The following SNX25 variants were observed in gnomAD, a reference collection of about 807,000 sequenced individuals.
The protein encoded by SNX25 is sorting nexin 25, also known as sorting nexin-25.
In SNX25, 62 loss-of-function variants were observed where a neutral mutation model predicts 113.7. The ratio of observed to expected loss-of-function variants is 0.55; its 90% confidence interval spans 0.44 to 0.67. The LOEUF (loss-of-function observed/expected upper bound fraction) is 0.67. SNX25 is among the 30% of genes least tolerant of loss of function. The pLI is 0.00. For synonymous variants in SNX25, 421 were observed against 436.2 expected (o/e 0.97, Z 0.43); for missense variants, 1,014 against 1,161.0 (o/e 0.87, Z 1.84).
chr4:185,233,391 C>T (rs1742144478), intron 1 of SNX25, among the ~76,000 whole-genome samples: 1 of 152,166 alleles, frequency 6.6e-6, no homozygotes, highest in Non-Finnish European at 1.5e-5. Context: ...AGTGAGTCCT[C>T]AGTAAATGTT....
chr4:185,253,048 A>G (rs73873416), intron 2 of SNX25, among the ~76,000 whole-genome samples: 4,323 of 150,832 alleles, frequency 0.029, 91 homozygotes, highest in Middle Eastern at 0.068. Flanking sequence ...TACATTTACC[A>G]GAAAACTGAC....
chr4:185,347,766 C>T (rs1256866576), intron 13 of SNX25, among the ~76,000 whole-genome samples: 3 of 152,114 alleles, frequency 2.0e-5, no homozygotes, highest in African/African-American at 4.8e-5. Context: ...CCACTGTGCC[C>T]GGCCATTTGT....
At position 185,232,738 on chromosome 4, in the gene SNX25, C is replaced by T. The variant is rs1056033901; in HGVS notation, c.430-14556C>T. ...GGGGCAGCTCTTCTGGTTCCTTCAG[C>T]ATTTATGTTCAGTGCTATCAGCGAG... is the stretch of plus-strand genomic sequence containing the variant. On this transcript the variant is annotated intron_variant, in intron 1 of 18. Transcript: ENST00000652585. The surrounding 1 kb of genome is among the most constrained non-coding windows in gnomAD (Gnocchi z 4.4). Among the ~76,000 whole-genome samples the T allele has an allele frequency of 2.0e-5, 3 of 152,218 alleles. No homozygotes were observed. The highest frequency in any genetic ancestry group is 4.4e-5 in the Non-Finnish European group (3 of 68,038).
intron 5 of SNX25, among the ~76,000 whole-genome samples, chr4:185,274,648 C>T (rs527447012): frequency 1.4e-4 from 21 of 152,258 alleles, no homozygotes; most frequent in Admixed American, 2.6e-4. Flanking sequence ...GAACTCTTTG[C>T]CAAAGTTAAA....
intron 8 of SNX25, among the ~76,000 whole-genome samples, chr4:185,321,582 G>C (rs1339150936): frequency 6.6e-6 from 1 of 152,028 alleles, no homozygotes; most frequent in Non-Finnish European, 1.5e-5. Context: ...ATTTAAATAT[G>C]AATAAAGGAA....
intron 8 of SNX25, among the ~76,000 whole-genome samples, chr4:185,322,251 T>C (rs1008074876): frequency 6.6e-6 from 1 of 152,150 alleles, no homozygotes; most frequent in Non-Finnish European, 1.5e-5. Context: ...GCCGACATGG[T>C]GAAACCCTGT....
intron 1 of SNX25, among the ~76,000 whole-genome samples, chr4:185,239,071 T>C (rs1264897678): frequency 6.6e-6 from 1 of 152,166 alleles, no homozygotes. Flanking sequence ...CAAAGACAGT[T>C]TGAGCGCATT....
In SNX25 at chr4:185,209,747, G is replaced by T; in HGVS notation, c.-80G>T. 1.0e-6 allele frequency: 1 copy of T among 984,032 alleles called. No individual in the cohort carries two copies. Among genetic ancestry groups the T allele is most frequent in the Non-Finnish European group, 1.2e-6 (1 of 829,412 alleles). 61.0% of individuals were successfully genotyped at this position (984,032 alleles called of 1,614,324 possible). On this transcript the variant is annotated 5_prime_UTR_variant, in exon 1 of 19. Coordinates refer to ENST00000652585, the MANE Select transcript of SNX25 (RefSeq NM_001378034.2). This position sits in a 1 kb window ranked among gnomAD's most constrained non-coding sequence, Gnocchi z 5.2. Reference sequence around the variant, plus strand: ...TGGGCCGCGGGCGAGGCATGAGCGCGGGCTCCCCCTGCCTCCGGAGCGCCG... The same window carrying T: ...TGGGCCGCGGGCGAGGCATGAGCGCTGGCTCCCCCTGCCTCCGGAGCGCCG...
At chr4:185,273,376 G>C (rs1307090253) in intron 5 of SNX25, among the ~76,000 whole-genome samples, 1 of 152,172 alleles carries the variant, frequency 6.6e-6, no homozygotes, top group African/African-American at 2.4e-5. Context: ...GGGCTCAAGG[G>C]ATCCTCCCTC....
intron 11 of SNX25, 25 bp from the exon 12 acceptor site, chr4:185,341,951 T>C: frequency 3.2e-6 from 5 of 1,562,798 alleles, no homozygotes; most frequent in Non-Finnish European, 3.5e-6. Flanking sequence ...TTTTTGTAAG[T>C]ATCGATTTTG....
At chr4:185,278,890 A>C (rs568334289) in intron 5 of SNX25, among the ~76,000 whole-genome samples, 1 of 152,320 alleles carries the variant, frequency 6.6e-6, no homozygotes, top group African/African-American at 2.4e-5. Context: ...GAAAATAGAT[A>C]TGGATAGCAC....
intron 11 of SNX25, 21 bp from the exon 12 acceptor site, chr4:185,341,955 G>T (rs771742738): frequency 2.5e-5 from 39 of 1,560,806 alleles, no homozygotes; most frequent in Non-Finnish European, 6.9e-6. Context: ...TGTAAGTATC[G>T]ATTTTGATGT....
chr4:185,357,017 A>G (rs765701247), intron 15 of SNX25, among the ~76,000 whole-genome samples: 2 of 152,200 alleles, frequency 1.3e-5, no homozygotes, highest in Non-Finnish European at 2.9e-5. Context: ...CTTCAGAGCA[A>G]AGAAAGGCAC....
At chr4:185,264,394 G>A (rs1466130645) in intron 3 of SNX25, 44 bp from the exon 4 acceptor site, 2 of 1,578,750 alleles carry the variant, frequency 1.3e-6, no homozygotes, top group Non-Finnish European at 1.7e-6. Flanking sequence ...TAATTGAATT[G>A]TTTCTAGAAA....
At chr4:185,267,983 G>T (rs149739244) in intron 5 of SNX25, among the ~76,000 whole-genome samples, 1 of 152,146 alleles carries the variant, frequency 6.6e-6, no homozygotes, top group African/African-American at 2.4e-5. Context: ...TCTTCACATG[G>T]AAGTATGCTG....
chr4:185,246,283 A>T (rs535016440), intron 1 of SNX25, among the ~76,000 whole-genome samples: 1 of 152,122 alleles, frequency 6.6e-6, no homozygotes, highest in Non-Finnish European at 1.5e-5. Context: ...AACATGTGAG[A>T]CTCAAAAAAG....
intron 6 of SNX25, among the ~76,000 whole-genome samples, chr4:185,293,037 A>G (rs367758672): frequency 1.3e-5 from 2 of 152,272 alleles, no homozygotes; most frequent in Non-Finnish European, 2.9e-5. Context: ...GGTTGTATCC[A>G]TAACATATAA....
intron 5 of SNX25, among the ~76,000 whole-genome samples, chr4:185,270,172 C>T (rs201057394): frequency 9.2e-5 from 14 of 151,520 alleles, no homozygotes; most frequent in Middle Eastern, 7.0e-3. Context: ...GGGAACATGG[C>T]GAAACCCCGT....
At chr4:185,312,476 C>T (rs191401607) in intron 7 of SNX25, among the ~76,000 whole-genome samples, 86 of 151,384 alleles carry the variant, frequency 5.7e-4, no homozygotes, top group Admixed American at 1.2e-3. Flanking sequence ...CTGGCAGTGT[C>T]TACTAGAAGT....
Sources: allele counts gnomAD v4.1 joint callset (sites outside exome capture counted in the v4.1 genomes callset), GRCh38; gene constraint gnomAD v4.1.1; non-coding constraint Gnocchi (gnomAD v3.1); transcripts MANE v1.5; gene names NCBI Gene and HGNC (gene_info 2026-07-23, HGNC 2026-07-21).